NELL2: variants seen among roughly 807,000 people sequenced by gnomAD.
The protein encoded by NELL2 is protein kinase C-binding protein NELL2.
NELL2 carries 41 observed loss-of-function variants against 109.6 expected under a neutral mutation model. The observed-to-expected ratio is 0.37, with a 90% CI of 0.29 to 0.49. The LOEUF (loss-of-function observed/expected upper bound fraction) is 0.49, where lower values mean the gene tolerates loss of function less well. Ranked by LOEUF, NELL2 falls within the 20% of genes least tolerant of loss-of-function variation. The pLI, the probability that NELL2 is intolerant of heterozygous loss-of-function variation, is 0.98. For synonymous variants in NELL2, 355 were observed against 344.7 expected (o/e 1.03, Z -0.33); for missense variants, 900 against 1,008.3 (o/e 0.89, Z 1.45).
intron 3 of NELL2, among the ~76,000 whole-genome samples, chr12:44,804,058 G>A (rs867034381): frequency 1.7e-4 from 26 of 151,864 alleles, no homozygotes; most frequent in African/African-American, 6.3e-4. Flanking sequence ...CTTCACTTTT[G>A]GTGCTGCTCA....
At chr12:44,811,398 C>A (rs1943175580) in intron 3 of NELL2, among the ~76,000 whole-genome samples, 1 of 135,410 alleles carries the variant, frequency 7.4e-6, no homozygotes, top group Admixed American at 7.2e-5. Context: ...AAAACTGGCA[C>A]AAATTTTTTA....
At chr12:44,721,867 G>A (rs1402934602) in intron 9 of NELL2, among the ~76,000 whole-genome samples, 2 of 152,046 alleles carry the variant, frequency 1.3e-5, no homozygotes, top group Non-Finnish European at 2.9e-5. Context: ...TCTATTAGGA[G>A]GAAATTTTTC....
chr12:44,835,681 A>G (rs1470909931), intron 2 of NELL2, among the ~76,000 whole-genome samples: 2 of 152,198 alleles, frequency 1.3e-5, no homozygotes, highest in African/African-American at 4.8e-5. Flanking sequence ...TGAAGATTCA[A>G]TTTACTGGAT....
chr12:44,722,193 T>G (rs74883383), intron 9 of NELL2, among the ~76,000 whole-genome samples: 1 of 152,124 alleles, frequency 6.6e-6, no homozygotes. Flanking sequence ...TTTTTTTTTT[T>G]GCAACAGGGT....
chr12:44,820,824 C>A (rs1943517784), intron 2 of NELL2, among the ~76,000 whole-genome samples: 1 of 152,066 alleles, frequency 6.6e-6, no homozygotes, highest in East Asian at 1.9e-4. Flanking sequence ...ATATAACATA[C>A]ATGTGGACAT....
intron 9 of NELL2, among the ~76,000 whole-genome samples, chr12:44,742,345 C>A (rs1214083955): frequency 6.6e-6 from 1 of 152,144 alleles, no homozygotes. Flanking sequence ...GTAGATAAAA[C>A]CACAAAGATG....
chr12:44,822,089 T>C (rs1309406893), intron 2 of NELL2, among the ~76,000 whole-genome samples: 1 of 151,968 alleles, frequency 6.6e-6, no homozygotes, highest in African/African-American at 2.4e-5. Flanking sequence ...AGATATGCAT[T>C]AAGCAATCTT....
At chr12:44,577,464 A>G (rs1944140112) in intron 15 of NELL2, among the ~76,000 whole-genome samples, 1 of 103,892 alleles carries the variant, frequency 9.6e-6, no homozygotes, top group Non-Finnish European at 1.8e-5. Context: ...TCAGATGAGT[A>G]GTTTTTTTTT....
intron 3 of NELL2, among the ~76,000 whole-genome samples, chr12:44,788,303 T>C (rs985656147): frequency 1.3e-5 from 2 of 152,126 alleles, no homozygotes; most frequent in Non-Finnish European, 2.9e-5. Flanking sequence ...AGCAGATTGC[T>C]CCTGCAGGAC....
At chr12:44,902,580 A>G (rs988639557) in intron 1 of NELL2, among the ~76,000 whole-genome samples, 1 of 152,230 alleles carries the variant, frequency 6.6e-6, no homozygotes, top group African/African-American at 2.4e-5. Flanking sequence ...ACCAGAAAAG[A>G]GCCCGTATAG....
chr12:44,680,683 G>A (rs1289618015), intron 12 of NELL2, among the ~76,000 whole-genome samples: 1 of 151,986 alleles, frequency 6.6e-6, no homozygotes, highest in African/African-American at 2.4e-5. Flanking sequence ...AAACACATGG[G>A]GCTCTGTTTT....
intron 2 of NELL2, among the ~76,000 whole-genome samples, chr12:44,834,281 T>C (rs1443301150): frequency 6.6e-6 from 1 of 152,134 alleles, no homozygotes; most frequent in Non-Finnish European, 1.5e-5. Flanking sequence ...TCTAATTTTG[T>C]TTTTCTCACA....
At chr12:44,858,590 C>G (rs1944748522) in intron 2 of NELL2, among the ~76,000 whole-genome samples, 1 of 152,196 alleles carries the variant, frequency 6.6e-6, no homozygotes, top group African/African-American at 2.4e-5. Context: ...TTACAAGAAT[C>G]AATATCCAAG....
intron 1 of NELL2, among the ~76,000 whole-genome samples, chr12:44,888,082 C>A (rs1022489074): frequency 2.0e-5 from 3 of 152,020 alleles, no homozygotes; most frequent in African/African-American, 7.3e-5. Flanking sequence ...CAGAACCACT[C>A]ATTGAAGACT....
At chr12:44,594,045 C>T (rs752188873) in intron 15 of NELL2, among the ~76,000 whole-genome samples, 19 of 151,914 alleles carry the variant, frequency 1.3e-4, no homozygotes, top group Non-Finnish European at 2.2e-4. Context: ...GAAAACCAAA[C>T]ACTACATGTT....
chr12:44,580,352 C>G (rs978979760), intron 15 of NELL2, among the ~76,000 whole-genome samples: 2 of 152,124 alleles, frequency 1.3e-5, no homozygotes, highest in Non-Finnish European at 1.5e-5. Context: ...ACTGCCTTGT[C>G]TCACAGATCT....
At chr12:44,830,114 A>G (rs1943841359) in intron 2 of NELL2, among the ~76,000 whole-genome samples, 1 of 152,220 alleles carries the variant, frequency 6.6e-6, no homozygotes, top group South Asian at 2.1e-4. Context: ...TTAACATTTT[A>G]TTCATACATA....
chr12:44,770,398 T>G (rs1426262870), intron 9 of NELL2, among the ~76,000 whole-genome samples: 1 of 152,204 alleles, frequency 6.6e-6, no homozygotes, highest in South Asian at 2.1e-4. Flanking sequence ...TTAAGCAATT[T>G]GACCAAAGTC....
upstream of NELL2, among the ~76,000 whole-genome samples, chr12:44,917,332 C>A (rs1439263800): frequency 6.6e-6 from 1 of 152,170 alleles, no homozygotes; most frequent in South Asian, 2.1e-4. Context: ...AGAAACCCAG[C>A]CCAACCACTT....
Sources: allele counts gnomAD v4.1 joint callset (sites outside exome capture counted in the v4.1 genomes callset), GRCh38; gene constraint gnomAD v4.1.1; transcripts MANE v1.5; gene names NCBI Gene and HGNC (gene_info 2026-07-23, HGNC 2026-07-21).